Variants in PCBP2 observed in about 807,000 individuals in gnomAD.
The protein encoded by PCBP2 is poly(rC)-binding protein 2.
PCBP2 carries 4 observed loss-of-function variants against 50.1 expected under a neutral mutation model. The ratio of observed to expected loss-of-function variants is 0.08; its 90% CI spans 0.04 to 0.18. PCBP2 has a LOEUF of 0.18. Among genes scored for constraint, PCBP2 ranks in the 10% least tolerant of loss-of-function variants. The pLI, the probability that PCBP2 is intolerant of heterozygous loss-of-function variation, is 1.00. For synonymous variants in PCBP2, 179 were observed against 168.0 expected, an observed-to-expected ratio of 1.07 and a Z score of -0.51; for missense variants, 161 against 474.3, an observed-to-expected ratio of 0.34 and a Z score of 6.14.
Position 53,452,136 on chromosome 12 carries a change from C to A in PCBP2, c.-316C>A, listed in dbSNP as rs1940563719. Reference sequence around the variant, plus strand: ...GCAGAGGCAGCAGCCGGAGCAGCCGCAGCCTGCGCCCTCTCCCGCCCGCCC... The same window carrying A: ...GCAGAGGCAGCAGCCGGAGCAGCCGAAGCCTGCGCCCTCTCCCGCCCGCCC... On this transcript the variant is annotated 5_prime_UTR_variant, in exon 1 of 15. Coordinates refer to ENST00000546463, the MANE Select transcript of PCBP2 (RefSeq NM_031989.5). 1 of 149,904 alleles carries A rather than the reference C, an allele frequency of 6.7e-6. No individual in the cohort carries two copies. Among genetic ancestry groups the A allele is most frequent in the Non-Finnish European group, 1.5e-5 (1 of 66,868 alleles). The allele number at this position is 149,904 out of a possible 1,614,324, so 9.3% of individuals were successfully genotyped here. A position where few individuals can be genotyped will look rare whatever the true frequency, so the allele number is the denominator to read the frequency against.
chr12:53,461,231 G>A (rs1339859402), intron 7 of PCBP2, 88 bp downstream of exon 7: 2 of 1,462,572 alleles, frequency 1.4e-6, no homozygotes, highest in Non-Finnish European at 1.9e-6. Context: ...CTAGAATTAA[G>A]TGAGGCTGTT....
At position 53,479,672 on chromosome 12, in the gene PCBP2, T is replaced by G. The variant is rs1218246642; in HGVS notation, c.*230T>G. On this transcript the variant is annotated 3_prime_UTR_variant, in exon 15 of 15. Transcript: ENST00000546463. ...TTTAGTTTTATAAGCTTCTCCCTGGTTTTTTTTTTTTGGCTCATGAATTTT... is the reference window on the plus strand; with the variant it reads ...TTTAGTTTTATAAGCTTCTCCCTGGGTTTTTTTTTTTGGCTCATGAATTTT... The G allele has an allele frequency of 3.5e-6, 1 of 286,812 alleles. No individual in the cohort carries two copies. Among genetic ancestry groups the G allele is most frequent in the Non-Finnish European group, 6.4e-6 (1 of 155,142 alleles). The allele number at this position is 286,812 out of a possible 1,614,324, so 17.8% of individuals were successfully genotyped here.
chr12:53,455,673 G>A (rs1940953611), intron 4 of PCBP2, among the ~76,000 whole-genome samples, 180 bp downstream of exon 4: 1 of 151,918 alleles, frequency 6.6e-6, no homozygotes, highest in South Asian at 2.1e-4. Context: ...TTTGGGAAGT[G>A]TGGTTTTGAC....
intron 14 of PCBP2, among the ~76,000 whole-genome samples, chr12:53,477,546 G>C (rs1942680063): frequency 6.6e-6 from 1 of 151,344 alleles, no homozygotes; most frequent in Non-Finnish European, 1.5e-5. Flanking sequence ...GGCGCCTGTA[G>C]TCCCAGCAAC....
intron 5 of PCBP2, among the ~76,000 whole-genome samples, chr12:53,458,831 G>A (rs1020364439): frequency 9.2e-5 from 14 of 151,812 alleles, no homozygotes; most frequent in African/African-American, 3.4e-4. Flanking sequence ...TGGAGACGGG[G>A]TCTCACTATG....
intron 9 of PCBP2, chr12:53,465,181 C>T (rs367738180): frequency 4.9e-5 from 11 of 224,388 alleles, no homozygotes; most frequent in East Asian, 2.7e-4. Flanking sequence ...AGAAACTTCA[C>T]ATCCTGTTAA....
At chr12:53,459,233 C>T in intron 5 of PCBP2, 39 bp from the exon 6 acceptor site, 1 of 1,538,558 alleles carries the variant, frequency 6.5e-7, no homozygotes, top group Non-Finnish European at 8.8e-7. Flanking sequence ...TTACTAGTTT[C>T]CAGGGATCTG....
At chr12:53,455,543 T>C (rs1157121855) in intron 4 of PCBP2, 50 bp downstream of exon 4, 3 of 1,575,524 alleles carry the variant, frequency 1.9e-6, no homozygotes, top group Admixed American at 1.7e-5. Context: ...AAAAAACCTT[T>C]AAAACAAGTG....
Position 53,456,508 on chromosome 12 carries a change from T to A in PCBP2, c.243+507T>A, listed in dbSNP as rs1238306239. Among the ~76,000 whole-genome samples, 4 of 151,692 alleles carry A rather than the reference T, an allele frequency of 2.6e-5. No homozygotes were observed. In the South Asian group the frequency reaches 8.3e-4, roughly 32 times the overall value. On this transcript the variant is annotated intron_variant, in intron 5 of 14. Transcript: ENST00000546463. Reference sequence around the variant, plus strand: ...CATCAAAACAGTTTGAGTTTTGCCATGGACTTAATATAAATAATTTGCGTG... The same window carrying A: ...CATCAAAACAGTTTGAGTTTTGCCAAGGACTTAATATAAATAATTTGCGTG...
At chr12:53,468,455 G>A (rs1337034068) in intron 12 of PCBP2, 3 of 357,154 alleles carry the variant, frequency 8.4e-6, no homozygotes, top group African/African-American at 6.4e-5. Context: ...TAGAAGTACA[G>A]AAGGACTTGT....
Position 53,471,718 on chromosome 12 carries a change from G to A in PCBP2, c.963G>A (p.Ala321=), listed in dbSNP as rs368847105. The part of the protein sequence containing the change: ...RQMSGAQIKI[A]NPVEGSTDRQ... The stretch of plus-strand genomic sequence containing the variant: ...TGTCTGGGGCGCAGATCAAAATTGC[G>A]AACCCAGTGGAAGGATCTACTGATA... Residue 321 remains alanine (A), a synonymous_variant, in exon 14 of 15, where the codon GCG becomes GCA. Coordinates refer to ENST00000546463, the MANE Select transcript of PCBP2 (RefSeq NM_031989.5). 3.5e-5 allele frequency: 56 copies of A among 1,613,786 alleles called. No homozygotes were observed. The highest frequency in any genetic ancestry group is 4.2e-5 in the Non-Finnish European group (49 of 1,180,014).
intron 14 of PCBP2, among the ~76,000 whole-genome samples, chr12:53,472,995 A>G (rs546526138): frequency 5.9e-5 from 9 of 152,180 alleles, no homozygotes; most frequent in African/African-American, 2.2e-4. Context: ...TTTTTTAGAG[A>G]TAGGGTTTCA....
intron 14 of PCBP2, among the ~76,000 whole-genome samples, chr12:53,478,902 C>T (rs991909625): frequency 5.9e-5 from 9 of 151,792 alleles, no homozygotes; most frequent in African/African-American, 2.2e-4. Context: ...ACGGTATTAC[C>T]TCATAATACC....
At chr12:53,462,093 G>C (rs569079078) in intron 7 of PCBP2, among the ~76,000 whole-genome samples, 2 of 152,256 alleles carry the variant, frequency 1.3e-5, no homozygotes, top group African/African-American at 4.8e-5. Context: ...TATTATTCTA[G>C]ACATAACACT....
At chr12:53,466,471 T>G (rs1205502955) in intron 10 of PCBP2, among the ~76,000 whole-genome samples, 5 of 152,200 alleles carry the variant, frequency 3.3e-5, no homozygotes. Context: ...AGAATTCAAC[T>G]CAAACCTTTC....
At chr12:53,477,561 G>A (rs146720418) in intron 14 of PCBP2, among the ~76,000 whole-genome samples, 1 of 150,638 alleles carries the variant, frequency 6.6e-6, no homozygotes, top group Non-Finnish European at 1.5e-5. Context: ...AGCAACTCGG[G>A]AGGCTGAGGC....
chr12:53,470,564 C>T (rs868262793), intron 13 of PCBP2, among the ~76,000 whole-genome samples: 14 of 151,690 alleles, frequency 9.2e-5, no homozygotes, highest in South Asian at 4.2e-4. Context: ...GCCACTATCC[C>T]TGGCTAACTT....
chr12:53,465,299 G>C lies in PCBP2; in HGVS notation c.672+447G>C, dbSNP rs971231369. On this transcript the variant is annotated intron_variant, in intron 9 of 14. Coordinates refer to ENST00000546463, the MANE Select transcript of PCBP2 (RefSeq NM_031989.5). Reference sequence around the variant, plus strand: ...TCCCTTTTTGGGAGGTTATGTTGTGGGGGGGAGGAGGGCATAGTGGGAGCT... The same window carrying C: ...TCCCTTTTTGGGAGGTTATGTTGTGCGGGGGAGGAGGGCATAGTGGGAGCT... Among the ~76,000 whole-genome samples the C allele has an allele frequency of 2.0e-5, 3 of 151,954 alleles. No individual in the cohort carries two copies. In the South Asian group the frequency reaches 6.2e-4, roughly 32 times the overall value.
At chr12:53,455,265 A>C in intron 2 of PCBP2, 82 bp from the exon 3 acceptor site, 1 of 1,340,072 alleles carries the variant, frequency 7.5e-7, no homozygotes, top group South Asian at 1.3e-5. Flanking sequence ...TAGAACATGT[A>C]GAAAAAGGAA....
Sources: allele counts gnomAD v4.1 joint callset (sites outside exome capture counted in the v4.1 genomes callset), GRCh38; gene constraint gnomAD v4.1.1; transcripts MANE v1.5; gene names NCBI Gene and HGNC (gene_info 2026-07-23, HGNC 2026-07-21).